Variants in CASTOR2 observed in about 807,000 individuals in gnomAD.
The protein encoded by CASTOR2 is cytosolic arginine sensor for mTORC1 subunit 2, also known as GATS protein like 2.
In CASTOR2, 8 loss-of-function variants were observed where a neutral mutation model predicts 31.2. The ratio of observed to expected loss-of-function variants is 0.26; its 90% CI spans 0.15 to 0.46. CASTOR2 has a LOEUF of 0.46. CASTOR2 is among the 20% of genes least tolerant of loss of function. The pLI, the probability that CASTOR2 is intolerant of heterozygous loss-of-function variation, is 0.99. For missense variants in CASTOR2, 216 were observed against 382.1 expected (o/e 0.57, Z 3.62); for synonymous variants, 162 against 158.7 (o/e 1.02, Z -0.16).
Position 75,029,504 on chromosome 7 carries a change from C to T in CASTOR2, c.*4805C>T, listed in dbSNP as rs1425903919. Reference sequence around the variant, plus strand: ...GATTACAGGCACCCACCACCACGCTCGGCTAATTTTTGTATTTTTAGTAGA... The same window carrying T: ...GATTACAGGCACCCACCACCACGCTTGGCTAATTTTTGTATTTTTAGTAGA... On this transcript the variant is annotated 3_prime_UTR_variant, in exon 9 of 9. Transcript: ENST00000616305. 5.3e-5 allele frequency among the ~76,000 whole-genome samples: 8 copies of T among 151,892 alleles called. No individual in the cohort carries two copies. Among genetic ancestry groups the T allele is most frequent in the African/African-American group, 1.9e-4 (8 of 41,426 alleles).
intron 2 of CASTOR2, among the ~76,000 whole-genome samples, chr7:75,013,184 C>G (rs1212441579): frequency 6.6e-6 from 1 of 152,238 alleles, no homozygotes; most frequent in Non-Finnish European, 1.5e-5. Context: ...AGGGCCTCTT[C>G]TGCCACTCTT....
Position 75,031,179 on chromosome 7 carries a change from G to A in CASTOR2, c.*6480G>A, listed in dbSNP as rs1375208191. Among the ~76,000 whole-genome samples, 1 of 152,138 alleles carries A rather than the reference G, an allele frequency of 6.6e-6. No individual in the cohort carries two copies. Among genetic ancestry groups the A allele is most frequent in the Admixed American group, 6.5e-5 (1 of 15,278 alleles). On this transcript the variant is annotated 3_prime_UTR_variant, in exon 9 of 9. Transcript: ENST00000616305. ...ATTTCCGTTATCCTGAGATGGGGGT[G>A]AGTGGATGGATGGTGTACTGAGGGG...
chr7:75,024,675 G>A lies in CASTOR2; in HGVS notation c.966G>A (p.Lys322=). Reference sequence around the variant, plus strand: ...TCAATGGTGTCATCAGTGCCCTGAAGGTCAGCCAAGCAGAGAAGCACTAGA... The same window carrying A: ...TCAATGGTGTCATCAGTGCCCTGAAAGTCAGCCAAGCAGAGAAGCACTAGA... ...ENINGVISAL[K]VSQAEKH is the part of the protein sequence containing the mutation. The change falls in exon 9 of 9, where the codon AAG becomes AAA. Residue 322 remains lysine, a synonymous_variant. Coordinates refer to ENST00000616305, the MANE Select transcript of CASTOR2 (RefSeq NM_001145064.3). 6 of 1,551,634 alleles carry A rather than the reference G, an allele frequency of 3.9e-6. No individual in the cohort carries two copies. The highest frequency in any genetic ancestry group is 2.0e-5 in the Admixed American group (1 of 51,008).
At chr7:75,022,637 A>C (rs1805032580) in intron 7 of CASTOR2, among the ~76,000 whole-genome samples, 1 of 151,882 alleles carries the variant, frequency 6.6e-6, no homozygotes, top group Admixed American at 6.6e-5. Flanking sequence ...ATGTCTACTA[A>C]CAATACAAAA....
rs1245241624 is a variant in CASTOR2, at chr7:75,020,591, T to C, written c.746+442T>C. On this transcript the variant is annotated intron_variant, in intron 6 of 8. Transcript: ENST00000616305. The stretch of plus-strand genomic sequence containing the variant: ...CTGCAAGCTCCACCTCCCGGGTTCA[T>C]GCCATTCTCCTGCCTCAGCCTCCCA... 3.8e-3 allele frequency among the ~76,000 whole-genome samples: 575 copies of C among 150,214 alleles called. 5 individuals are homozygous for C. Among genetic ancestry groups the C allele is most frequent in the East Asian group, 0.033 (163 of 4,988 alleles).
chr7:75,018,037 G>A lies in CASTOR2; in HGVS notation c.426G>A (p.Glu142=). The A allele has an allele frequency of 6.2e-7, 1 of 1,614,232 alleles. No individual in the cohort carries two copies. Among genetic ancestry groups the A allele is most frequent in the South Asian group, 1.1e-5 (1 of 91,082 alleles). The stretch of plus-strand genomic sequence containing the variant: ...TTGTCACCCACACATTGTCATCAGA[G>A]TTCACCATCCTGCGGGTCGTCAATG... ...LPFVTHTLSS[E]FTILRVVNGE... Residue 142 remains glutamate, a synonymous_variant, in exon 4 of 9, where the codon GAG becomes GAA. Coordinates refer to ENST00000616305, the MANE Select transcript of CASTOR2 (RefSeq NM_001145064.3).
At position 75,020,081 on chromosome 7, in the gene CASTOR2, C is replaced by T. The variant is rs1804957387; in HGVS notation, c.678C>T (p.Ile226=). 3 of 1,551,488 alleles carry T rather than the reference C, an allele frequency of 1.9e-6. No homozygotes were observed. Among genetic ancestry groups the T allele is most frequent in the Non-Finnish European group, 2.6e-6 (3 of 1,146,842 alleles). The change falls in exon 6 of 9, where the codon ATC becomes ATT. Residue 226 remains isoleucine, a synonymous_variant. Coordinates refer to ENST00000616305, the MANE Select transcript of CASTOR2 (RefSeq NM_001145064.3). The part of the protein sequence containing the change: ...PMATGDDCGH[I]RFFSFSLIEG... Reference sequence around the variant, plus strand: ...CCACTGGGGATGACTGCGGCCACATCCGCTTCTTCTCCTTCTCCCTCATCG... The same window carrying T: ...CCACTGGGGATGACTGCGGCCACATTCGCTTCTTCTCCTTCTCCCTCATCG...
At chr7:74,991,943 C>T (rs1460608364) in intron 1 of CASTOR2, among the ~76,000 whole-genome samples, 1 of 152,028 alleles carries the variant, frequency 6.6e-6, no homozygotes, top group Non-Finnish European at 1.5e-5. Context: ...TGAGAAGTGC[C>T]TTTGCCTCTA....
chr7:75,014,704 A>G (rs1222056507), intron 2 of CASTOR2, among the ~76,000 whole-genome samples: 1 of 152,022 alleles, frequency 6.6e-6, no homozygotes. Context: ...CTGCTGATTG[A>G]CCTGAAATCC....
rs1554438950 is a variant in CASTOR2, at chr7:75,008,075, C to T, written c.184+11C>T. On this transcript the variant is annotated intron_variant, in intron 2 of 8. Coordinates refer to ENST00000616305, the MANE Select transcript of CASTOR2 (RefSeq NM_001145064.3). ...AGGAAGGATTCCTAGGTAAGTGCTT[C>T]TCTCCCTAGGGGCTCGGCTGGACCA... The T allele has an allele frequency of 2.4e-5, 39 of 1,613,636 alleles. No individual in the cohort carries two copies. Among genetic ancestry groups the T allele is most frequent in the Non-Finnish European group, 3.1e-5 (37 of 1,179,778 alleles).
Position 75,024,680 on chromosome 7 carries a change from G to A in CASTOR2, c.971G>A (p.Ser324Asn). The change falls in exon 9 of 9, where the codon AGC (serine) becomes AAC (asparagine). Residue 324 changes from serine to asparagine, a missense_variant. Physicochemically the swap from Ser to Asn is conservative, Grantham distance 46. Coordinates refer to ENST00000616305, the MANE Select transcript of CASTOR2 (RefSeq NM_001145064.3). ...GGTGTCATCAGTGCCCTGAAGGTCA[G>A]CCAAGCAGAGAAGCACTAGAAGGGT... Reference protein sequence around the residue: ...INGVISALKVSQAEKH With the variant: ...INGVISALKVNQAEKH 6.4e-7 allele frequency: 1 copy of A among 1,551,650 alleles called. No individual in the cohort carries two copies. The highest frequency in any genetic ancestry group is 8.7e-7 in the Non-Finnish European group (1 of 1,146,858).
rs1192950302 is a variant in CASTOR2 at position 74,965,867 on chromosome 7, C to T, written c.113+769C>T. On this transcript the variant is annotated intron_variant, in intron 1 of 8. Coordinates refer to ENST00000616305, the MANE Select transcript of CASTOR2 (RefSeq NM_001145064.3). ...AGAGGGAATCACACACACACACACA[C>T]ACACACACACACACACTCTCTCTCT... Among the ~76,000 whole-genome samples the T allele has an allele frequency of 4.9e-4, 10 of 20,274 alleles. 2 individuals carry two copies. Among genetic ancestry groups the T allele is most frequent in the African/African-American group, 7.3e-4 (3 of 4,124 alleles). 13.3% of individuals were successfully genotyped at this position (20,274 alleles called of 152,430 possible).
chr7:75,026,189 G>GTTTTTTTTTTTGTTTTTT lies in CASTOR2; in HGVS notation c.*1501_*1502insGTTTTTTTTTTTTTTTTT, dbSNP rs1805125206. On this transcript the variant is annotated 3_prime_UTR_variant, in exon 9 of 9. Coordinates refer to ENST00000616305, the MANE Select transcript of CASTOR2 (RefSeq NM_001145064.3). The stretch of plus-strand genomic sequence containing the variant: ...CCCTGTGGTTTTGGCTCTGGCGGGG[G>GTTTTTTTTTTTGTTTTTT]TTTTTTTTTTTTTTTTTGAGATGGG... 2.3e-4 allele frequency among the ~76,000 whole-genome samples: 27 copies of GTTTTTTTTTTTGTTTTTT among 117,712 alleles called. 1 individual carries two copies. Among genetic ancestry groups the GTTTTTTTTTTTGTTTTTT allele is most frequent in the Admixed American group, 1.2e-3 (13 of 10,770 alleles). The allele number at this position is 117,712 out of a possible 152,430, so 77.2% of individuals were successfully genotyped here. A position where few individuals can be genotyped will look rare whatever the true frequency, so the allele number is the denominator to read the frequency against.
intron 2 of CASTOR2, among the ~76,000 whole-genome samples, chr7:75,016,375 T>C (rs1804863697): frequency 6.6e-6 from 1 of 152,200 alleles, no homozygotes; most frequent in Non-Finnish European, 1.5e-5. Context: ...GCTGCTGCTG[T>C]GGACTCCCCA....
At chr7:74,987,238 C>G (rs1159444668) in intron 1 of CASTOR2, among the ~76,000 whole-genome samples, 1 of 152,020 alleles carries the variant, frequency 6.6e-6, no homozygotes, top group African/African-American at 2.4e-5. Flanking sequence ...AACCCCATCT[C>G]TACTAAAAAT....
Position 75,031,339 on chromosome 7 carries a change from G to T in CASTOR2, c.*6640G>T, listed in dbSNP as rs1371628201. On this transcript the variant is annotated 3_prime_UTR_variant, in exon 9 of 9. Coordinates refer to ENST00000616305, the MANE Select transcript of CASTOR2 (RefSeq NM_001145064.3). The stretch of plus-strand genomic sequence containing the variant: ...GCGTTCCATCGCTCCCAAGATCTGG[G>T]TGAAGGGGAGAACCTGCCATCTTAT... 6.6e-6 allele frequency among the ~76,000 whole-genome samples: 1 copy of T among 152,108 alleles called. No homozygotes were observed. The highest frequency in any genetic ancestry group is 1.5e-5 in the Non-Finnish European group (1 of 68,020).
intron 2 of CASTOR2, among the ~76,000 whole-genome samples, chr7:75,009,353 C>A (rs1438510837): frequency 8.6e-5 from 12 of 139,996 alleles, no homozygotes; most frequent in Non-Finnish European, 1.7e-4. Flanking sequence ...CTGCAAGCTC[C>A]GCCTCCCAGG....
At chr7:75,001,503 G>A (rs1371142567) in intron 1 of CASTOR2, among the ~76,000 whole-genome samples, 3 of 152,326 alleles carry the variant, frequency 2.0e-5, no homozygotes, top group African/African-American at 7.2e-5. Context: ...CCGGCATCTG[G>A]GGTGTGGACC....
At chr7:75,009,612 GC>G (rs1159703022) in intron 2 of CASTOR2, among the ~76,000 whole-genome samples, 168 of 150,662 alleles carry the variant, frequency 1.1e-3, no homozygotes, top group Non-Finnish European at 1.7e-3. Context: ...AAATTAAGTG[GC>G]CCCCCCCGCC....
Sources: allele counts gnomAD v4.1 joint callset (sites outside exome capture counted in the v4.1 genomes callset), GRCh38; gene constraint gnomAD v4.1.1; transcripts MANE v1.5; gene names NCBI Gene and HGNC (gene_info 2026-07-23, HGNC 2026-07-21).